ABHD2: variants seen among roughly 807,000 people sequenced by gnomAD.
ABHD2 encodes the protein monoacylglycerol lipase ABHD2.
ABHD2 carries 20 observed loss-of-function variants against 48.1 expected under a neutral mutation model. The ratio of observed to expected loss-of-function variants is 0.42; its 90% CI spans 0.29 to 0.60. The LOEUF (loss-of-function observed/expected upper bound fraction) is 0.60. Among genes scored for constraint, ABHD2 ranks in the 20% least tolerant of loss-of-function variants. The probability of loss-of-function intolerance (pLI) is 0.24; values close to 1 mark genes in which losing one functional copy is unlikely to be tolerated. For synonymous variants in ABHD2, 209 were observed against 214.2 expected (o/e 0.98, Z 0.21); for missense variants, 405 against 550.9 (o/e 0.74, Z 2.65).
the ABHD2 span, among the ~76,000 whole-genome samples, chr15:89,048,061 G>A: frequency 9.9e-5 from 15 of 151,812 alleles, no homozygotes; most frequent in Admixed American, 3.9e-4. Context: ...CATGTTTAGC[G>A]CTTCCTTCAG....
At chr15:89,148,673 T>A (rs551415217) in intron 3 of ABHD2, among the ~76,000 whole-genome samples, 1 of 152,354 alleles carries the variant, frequency 6.6e-6, no homozygotes, top group African/African-American at 2.4e-5. Flanking sequence ...TAAATTGGCA[T>A]GGCAGTCCTT....
At chr15:89,059,903 G>A in the ABHD2 span, among the ~76,000 whole-genome samples, 4 of 152,008 alleles carry the variant, frequency 2.6e-5, no homozygotes, top group Non-Finnish European at 4.4e-5. Context: ...GCTGTGGAAC[G>A]CAGGTCCTCC....
rs2050958382 is a variant in ABHD2, at chr15:89,173,282, A to G, written c.539-2530A>G. ...TCCTTCCATTGCTACCTTCTTAAAAAGAGAAACTTGGCCAGGGCAGTGGCT... is the reference window on the plus strand; with the variant it reads ...TCCTTCCATTGCTACCTTCTTAAAAGGAGAAACTTGGCCAGGGCAGTGGCT... On this transcript the variant is annotated intron_variant, in intron 5 of 10. Coordinates refer to ENST00000352732, the MANE Select transcript of ABHD2 (RefSeq NM_152924.5). This position sits in a 1 kb window ranked among gnomAD's most constrained non-coding sequence, Gnocchi z 6.5. 6.6e-6 allele frequency among the ~76,000 whole-genome samples: 1 copy of G among 152,204 alleles called. No individual in the cohort carries two copies. The highest frequency in any genetic ancestry group is 1.5e-5 in the Non-Finnish European group (1 of 68,040).
rs182589379 is a variant in ABHD2 at position 89,089,604 on chromosome 15, A to C, written c.-107+1041A>C. Among the ~76,000 whole-genome samples the C allele has an allele frequency of 2.0e-3, 307 of 152,300 alleles. 3 individuals are homozygous for C. The highest frequency in any genetic ancestry group is 7.1e-3 in the African/African-American group (295 of 41,566). On this transcript the variant is annotated intron_variant, in intron 1 of 10. Coordinates refer to ENST00000352732, the MANE Select transcript of ABHD2 (RefSeq NM_152924.5). Reference sequence around the variant, plus strand: ...TAACCAAATCCAAAGGCATGTTCCAAGAACAGGCTCCACAGAGGGACCTGG... The same window carrying C: ...TAACCAAATCCAAAGGCATGTTCCACGAACAGGCTCCACAGAGGGACCTGG...
At chr15:89,117,270 C>T in intron 3 of ABHD2, among the ~76,000 whole-genome samples, 1 of 152,220 alleles carries the variant, frequency 6.6e-6, no homozygotes. Context: ...AAGTGATCTG[C>T]CCGCCTTGGC....
intron 3 of ABHD2, among the ~76,000 whole-genome samples, chr15:89,133,783 A>C (rs1225954638): frequency 6.6e-6 from 1 of 150,782 alleles, no homozygotes; most frequent in Non-Finnish European, 1.5e-5. Context: ...ATTTGTTCTC[A>C]GTTTGTCATT....
chr15:89,150,465 G>T (rs2050572491), intron 3 of ABHD2, among the ~76,000 whole-genome samples: 1 of 152,100 alleles, frequency 6.6e-6, no homozygotes. Flanking sequence ...AGTGATATTT[G>T]CACCTGTGGT....
chr15:89,100,761 C>T lies in ABHD2; in HGVS notation c.-107+12198C>T, dbSNP rs1226523750. Reference sequence around the variant, plus strand: ...GCGGGCACCTGTAATACCAGCTACTCGGGAGGCTGAGGCAGGAGAATTGCT... The same window carrying T: ...GCGGGCACCTGTAATACCAGCTACTTGGGAGGCTGAGGCAGGAGAATTGCT... On this transcript the variant is annotated intron_variant, in intron 1 of 10. Transcript: ENST00000352732. This position sits in a 1 kb window ranked among gnomAD's most constrained non-coding sequence, Gnocchi z 4.4. Among the ~76,000 whole-genome samples the T allele has an allele frequency of 4.6e-5, 7 of 151,898 alleles. No homozygotes were observed. Among genetic ancestry groups the T allele is most frequent in the South Asian group, 2.1e-4 (1 of 4,820 alleles).
At chr15:89,052,550 G>GACACACACACACACAC in the ABHD2 span, among the ~76,000 whole-genome samples, 6 of 107,436 alleles carry the variant, frequency 5.6e-5, no homozygotes, top group African/African-American at 1.8e-4. Flanking sequence ...CAGACAGACA[G>GACACACACACACACAC]ACAGACAGAC....
chr15:89,156,766 A>T (rs1053311607), intron 5 of ABHD2, among the ~76,000 whole-genome samples: 1 of 151,890 alleles, frequency 6.6e-6, no homozygotes, highest in African/African-American at 2.4e-5. Context: ...TGGCTTCTGG[A>T]CTGCTTGTTC....
chr15:89,064,057 C>G, the ABHD2 span, among the ~76,000 whole-genome samples: 3 of 151,972 alleles, frequency 2.0e-5, no homozygotes, highest in Admixed American at 2.0e-4. Context: ...CTTTTTGTCC[C>G]TGCATAATTT....
Position 89,168,020 on chromosome 15 carries a change from T to A in ABHD2, c.539-7792T>A, listed in dbSNP as rs2050862923. 6.6e-6 allele frequency among the ~76,000 whole-genome samples: 1 copy of A among 152,216 alleles called. No individual in the cohort carries two copies. Among genetic ancestry groups the A allele is most frequent in the Non-Finnish European group, 1.5e-5 (1 of 68,032 alleles). ...TATCCACAGATGCCATGCATGGGCC[T>A]GGCATGGAACATACAGAGATGACTC... On this transcript the variant is annotated intron_variant, in intron 5 of 10. Coordinates refer to ENST00000352732, the MANE Select transcript of ABHD2 (RefSeq NM_152924.5). This position sits in a 1 kb window ranked among gnomAD's most constrained non-coding sequence, Gnocchi z 4.8.
intron 1 of ABHD2, among the ~76,000 whole-genome samples, chr15:89,105,857 G>A (rs2049776242): frequency 6.6e-6 from 1 of 151,914 alleles, no homozygotes; most frequent in African/African-American, 2.4e-5. Context: ...GGTGAGAGGA[G>A]GTCTTTTTTT....
At chr15:89,054,968 G>GTAAT in the ABHD2 span, among the ~76,000 whole-genome samples, 1 of 152,050 alleles carries the variant, frequency 6.6e-6, no homozygotes, top group Non-Finnish European at 1.5e-5. Context: ...GCTCACGACT[G>GTAAT]TAATCCTAGT....
Position 89,097,103 on chromosome 15 carries a change from T to G in ABHD2, c.-107+8540T>G, listed in dbSNP as rs114873213. Among the ~76,000 whole-genome samples, 1,119 of 152,300 alleles carry G rather than the reference T, an allele frequency of 7.3e-3. 14 individuals carry two copies. The highest frequency in any genetic ancestry group is 0.026 in the African/African-American group (1,066 of 41,546). Reference sequence around the variant, plus strand: ...ATATTGCTAAATAATCACTCATTCATTTATTAGCTTTTTATTCTGGGAATT... The same window carrying G: ...ATATTGCTAAATAATCACTCATTCAGTTATTAGCTTTTTATTCTGGGAATT... On this transcript the variant is annotated intron_variant, in intron 1 of 10. Transcript: ENST00000352732. The surrounding 1 kb of genome is among the most constrained non-coding windows in gnomAD (Gnocchi z 4.2).
chr15:89,125,523 A>G (rs1413860607), intron 3 of ABHD2, among the ~76,000 whole-genome samples: 1 of 152,238 alleles, frequency 6.6e-6, no homozygotes, highest in South Asian at 2.1e-4. Flanking sequence ...GTTTCTGGTG[A>G]AATAGCCCAA....
At chr15:89,192,413 G>A (rs899230184) in intron 9 of ABHD2, among the ~76,000 whole-genome samples, 2 of 152,076 alleles carry the variant, frequency 1.3e-5, no homozygotes, top group Non-Finnish European at 2.9e-5. Context: ...GCTATTGGCT[G>A]TTTTAGTAAA....
intron 3 of ABHD2, among the ~76,000 whole-genome samples, chr15:89,132,282 A>C (rs576405780): frequency 1.3e-5 from 2 of 152,234 alleles, no homozygotes; most frequent in Non-Finnish European, 2.9e-5. Context: ...CCTAATAATA[A>C]GAATCGCTGT....
chr15:89,127,722 C>CACAT lies in ABHD2; in HGVS notation c.194+11202_194+11203insCATA, dbSNP rs145443146. Among the ~76,000 whole-genome samples, 687 of 133,116 alleles carry CACAT rather than the reference C, an allele frequency of 5.2e-3. 35 individuals carry two copies. The highest frequency in any genetic ancestry group is 0.02 in the African/African-American group (615 of 30,760). The allele number at this position is 133,116 out of a possible 152,430, so 87.3% of individuals were successfully genotyped here. On this transcript the variant is annotated intron_variant, in intron 3 of 10. Transcript: ENST00000352732. The stretch of plus-strand genomic sequence containing the variant: ...ATATATATACATATATATATATACA[C>CACAT]ATATATATATATATATATGTATATT...
Sources: allele counts gnomAD v4.1 joint callset (sites outside exome capture counted in the v4.1 genomes callset), GRCh38; gene constraint gnomAD v4.1.1; non-coding constraint Gnocchi (gnomAD v3.1); transcripts MANE v1.5; gene names NCBI Gene and HGNC (gene_info 2026-07-23, HGNC 2026-07-21).